ULK4: variants seen among roughly 807,000 people sequenced by gnomAD.
ULK4 encodes the protein unc-51 like kinase 4.
Under a neutral mutation model 160.6 loss-of-function variants are expected in ULK4, and 133 were observed. The observed-to-expected ratio is 0.83, with a 90% confidence interval of 0.72 to 0.96. ULK4 has a LOEUF of 0.96. Ranked by LOEUF, ULK4 falls within the 40% of genes least tolerant of loss-of-function variation. ULK4 has a pLI of 0.00. For missense variants in ULK4, 1,580 were observed against 1,499.5 expected (o/e 1.05, Z -0.89); for synonymous variants, 534 against 539.8 (o/e 0.99, Z 0.15).
chr3:41,609,929 G>A (rs1038572103), intron 31 of ULK4, among the ~76,000 whole-genome samples: 4 of 151,256 alleles, frequency 2.6e-5, no homozygotes, highest in Non-Finnish European at 5.9e-5. Context: ...AGCTATCATC[G>A]TGCCACTGCA....
chr3:41,857,079 C>T (rs1450498784), intron 17 of ULK4, among the ~76,000 whole-genome samples: 10 of 152,062 alleles, frequency 6.6e-5, no homozygotes, highest in Admixed American at 5.9e-4. Flanking sequence ...CCACTCTCTC[C>T]CTCAAAGAGA....
chr3:41,353,690 T>C (rs548883452), intron 35 of ULK4, among the ~76,000 whole-genome samples: 5 of 122,794 alleles, frequency 4.1e-5, no homozygotes, highest in Admixed American at 2.7e-4. Context: ...ATAATAATAA[T>C]AATTACAATT....
chr3:41,347,797 A>C (rs1197766930), intron 35 of ULK4, among the ~76,000 whole-genome samples: 1 of 152,210 alleles, frequency 6.6e-6, no homozygotes, highest in Non-Finnish European at 1.5e-5. Context: ...ACTGAGGGCA[A>C]GGTAACCCTT....
chr3:41,672,392 T>A (rs2125776484), intron 29 of ULK4, among the ~76,000 whole-genome samples: 1 of 152,268 alleles, frequency 6.6e-6, no homozygotes, highest in East Asian at 1.9e-4. Flanking sequence ...AATCATGTCA[T>A]TTGCAGCAAT....
intron 33 of ULK4, 118 bp downstream of exon 33, chr3:41,462,969 A>G: frequency 8.0e-7 from 1 of 1,250,390 alleles, no homozygotes; most frequent in Non-Finnish European, 1.1e-6. Context: ...TCTCTATAGA[A>G]TTATACATTC....
At chr3:41,372,877 C>A (rs572470066) in intron 35 of ULK4, among the ~76,000 whole-genome samples, 1 of 152,002 alleles carries the variant, frequency 6.6e-6, no homozygotes, top group African/African-American at 2.4e-5. Context: ...TCCATAGGTG[C>A]GCTGTATTCG....
At chr3:41,513,035 CAG>C (rs1449289970) in intron 32 of ULK4, among the ~76,000 whole-genome samples, 15 of 151,986 alleles carry the variant, frequency 9.9e-5, no homozygotes, top group African/African-American at 2.9e-4. Context: ...AACAAAAAAA[CAG>C]AAAGTGGGGA....
chr3:41,828,003 C>A (rs1444533273), intron 18 of ULK4, among the ~76,000 whole-genome samples: 1 of 151,942 alleles, frequency 6.6e-6, no homozygotes, highest in African/African-American at 2.4e-5. Flanking sequence ...ACATACACAA[C>A]TCAATCAACA....
At chr3:41,942,824 A>C (rs932545368) in intron 2 of ULK4, among the ~76,000 whole-genome samples, 3 of 130,026 alleles carry the variant, frequency 2.3e-5, no homozygotes, top group African/African-American at 7.6e-5. Context: ...CTCAAAAAAT[A>C]AATTAATTAA....
chr3:41,282,267 C>T (rs1274204649), intron 35 of ULK4, among the ~76,000 whole-genome samples: 2 of 152,084 alleles, frequency 1.3e-5, no homozygotes, highest in African/African-American at 2.4e-5. Context: ...CATCAAGCTA[C>T]CAGACTTTCT....
At chr3:41,790,131 A>G (rs2040106340) in intron 20 of ULK4, among the ~76,000 whole-genome samples, 2 of 152,240 alleles carry the variant, frequency 1.3e-5, no homozygotes, top group African/African-American at 4.8e-5. Context: ...TAATTAATAA[A>G]ACACATTATC....
chr3:41,877,447 C>A (rs1697350361), intron 17 of ULK4, among the ~76,000 whole-genome samples: 1 of 151,952 alleles, frequency 6.6e-6, no homozygotes, highest in Non-Finnish European at 1.5e-5. Flanking sequence ...ATGCCCCAGC[C>A]TCCCAAGGAG....
intron 18 of ULK4, among the ~76,000 whole-genome samples, chr3:41,821,712 C>T (rs180762314): frequency 2.6e-5 from 4 of 152,234 alleles, no homozygotes; most frequent in Admixed American, 1.3e-4. Flanking sequence ...CAAGACCCTC[C>T]TCATCCCTTG....
Position 41,931,738 on chromosome 3 carries a change from A to T in ULK4, c.541+106T>A. ...TCTGCTGGTCATTACCATTTTCAAT[A>T]TCTTATTTGAGTGGCAAAACAAAAG... On this transcript the variant is annotated intron_variant, in intron 5 of 36. Transcript: ENST00000301831. 4.4e-6 allele frequency: 6 copies of T among 1,357,124 alleles called. No homozygotes were observed. The South Asian group carries it at 8.3e-5, about 19-fold the overall frequency. The allele number at this position is 1,357,124 out of a possible 1,614,324, so 84.1% of individuals were successfully genotyped here.
intron 35 of ULK4, among the ~76,000 whole-genome samples, chr3:41,268,525 G>A (rs73083808): frequency 0.023 from 3,569 of 152,268 alleles, 60 homozygotes; most frequent in Middle Eastern, 0.041. Flanking sequence ...CTCACACTCG[G>A]CAGGGCATGG....
intron 21 of ULK4, among the ~76,000 whole-genome samples, chr3:41,773,344 C>T: frequency 6.6e-6 from 1 of 152,138 alleles, no homozygotes; most frequent in East Asian, 1.9e-4. Context: ...CCCAAAATAT[C>T]CTTAAGCTGA....
intron 32 of ULK4, among the ~76,000 whole-genome samples, chr3:41,493,221 AAACT>A (rs1483914925): frequency 4.1e-5 from 6 of 145,524 alleles, no homozygotes; most frequent in African/African-American, 1.3e-4. Flanking sequence ...AAATTATAAC[AAACT>A]GTCTCTCAGA....
chr3:41,297,010 A>G (rs1002185140), intron 35 of ULK4, among the ~76,000 whole-genome samples: 65 of 152,236 alleles, frequency 4.3e-4, no homozygotes, highest in African/African-American at 1.5e-3. Flanking sequence ...TTTCCTGTGC[A>G]GGAGCTCATC....
chr3:41,827,225 C>A (rs958372609), intron 18 of ULK4, among the ~76,000 whole-genome samples: 11 of 146,296 alleles, frequency 7.5e-5, no homozygotes, highest in South Asian at 6.6e-4. Context: ...CTAAAATTGA[C>A]ACCTTAACAT....
Sources: gnomAD v4.1 joint callset for allele counts (sites outside exome capture counted in the v4.1 genomes callset) on GRCh38, gnomAD v4.1.1 for gene constraint, MANE v1.5 for transcripts, NCBI Gene and HGNC (gene_info 2026-07-23, HGNC 2026-07-21) for gene names.